Variants in PACS2 observed in about 807,000 individuals in gnomAD.
PACS2 encodes the protein phosphofurin acidic cluster sorting protein 2, also known as PACS1-like protein.
In PACS2, 36 loss-of-function variants were observed where a neutral mutation model predicts 113.0. That is an observed-to-expected ratio of 0.32 (90% CI 0.24 to 0.42). PACS2 has a LOEUF of 0.42. Among genes scored for constraint, PACS2 ranks in the 10% least tolerant of loss-of-function variants. The pLI is 1.00. For missense variants in PACS2, 1,015 were observed against 1,239.5 expected, an observed-to-expected ratio of 0.82 and a Z score of 2.72; for synonymous variants, 589 against 536.1, an observed-to-expected ratio of 1.10 and a Z score of -1.36.
chr14:105,305,932 G>A (rs1478576017), intron 1 of PACS2, among the ~76,000 whole-genome samples: 2 of 152,250 alleles, frequency 1.3e-5, no homozygotes, highest in Non-Finnish European at 2.9e-5. Context: ...CGCTGGAAAC[G>A]TGCAGTGATC....
rs782446428 is a variant in PACS2 at position 105,354,924 on chromosome 14, G to A, written c.298-128G>A. ...TGAACTTGGGGGCCCGTCTGTGGGT[G>A]CCCTTCCGATCTCATGGGCAGCAGG... On this transcript the variant is annotated intron_variant, in intron 3 of 24. Coordinates refer to ENST00000447393, the MANE Select transcript of PACS2 (RefSeq NM_001100913.3). This position sits in a 1 kb window ranked among gnomAD's most constrained non-coding sequence, Gnocchi z 4.2. 8.0e-5 allele frequency: 67 copies of A among 832,388 alleles called. No homozygotes were observed. The highest frequency in any genetic ancestry group is 1.2e-4 in the Non-Finnish European group (64 of 532,028). The allele number at this position is 832,388 out of a possible 1,614,324, so 51.6% of individuals were successfully genotyped here. A position where few individuals can be genotyped will look rare whatever the true frequency, so the allele number is the denominator to read the frequency against.
intron 13 of PACS2, 24 bp from the exon 14 acceptor site, chr14:105,382,453 G>A: frequency 7.2e-7 from 1 of 1,382,814 alleles, no homozygotes; most frequent in Non-Finnish European, 1.0e-6. Context: ...TCTTCTGGGT[G>A]TGGACAGGGC....
intron 1 of PACS2, among the ~76,000 whole-genome samples, chr14:105,302,180 G>A (rs1386944481): frequency 6.7e-6 from 1 of 149,536 alleles, no homozygotes; most frequent in East Asian, 2.0e-4. Context: ...AAATGCGGAA[G>A]ACCCCACCCT....
intron 19 of PACS2, among the ~76,000 whole-genome samples, 173 bp downstream of exon 19, chr14:105,385,890 C>G (rs782742566): frequency 2.0e-5 from 3 of 152,126 alleles, no homozygotes; most frequent in Non-Finnish European, 4.4e-5. Context: ...GGAAGTGGCC[C>G]CAACCCGAGT....
chr14:105,335,932 G>T (rs926436426), intron 1 of PACS2, among the ~76,000 whole-genome samples: 5 of 152,210 alleles, frequency 3.3e-5, no homozygotes, highest in Admixed American at 6.5e-5. Context: ...GTGCCCTGGG[G>T]CCCAGCTACG....
At chr14:105,316,738 G>T (rs1268218992) in intron 1 of PACS2, among the ~76,000 whole-genome samples, 1 of 151,800 alleles carries the variant, frequency 6.6e-6, no homozygotes, top group Non-Finnish European at 1.5e-5. Context: ...GCCTGGTTAG[G>T]ACAGGCGGGG....
chr14:105,391,334 C>A, intron 21 of PACS2, 85 bp downstream of exon 21: 2 of 1,067,678 alleles, frequency 1.9e-6, no homozygotes, highest in Non-Finnish European at 1.4e-6. Flanking sequence ...CAGACCAGAT[C>A]AACCTTTCAG....
At chr14:105,393,142 T>C in intron 23 of PACS2, 80 bp from the exon 24 acceptor site, 1 of 1,077,144 alleles carries the variant, frequency 9.3e-7, no homozygotes. Flanking sequence ...CCCCAGTGCC[T>C]CCCCCACACG....
rs150094396 is a variant in PACS2, at chr14:105,379,525, C to T, written c.960-214C>T. Among the ~76,000 whole-genome samples the T allele has an allele frequency of 3.8e-3, 573 of 152,290 alleles. 1 individual carries two copies. Among genetic ancestry groups the T allele is most frequent in the Non-Finnish European group, 5.4e-3 (364 of 68,030 alleles). On this transcript the variant is annotated intron_variant, in intron 9 of 24. Transcript: ENST00000447393. ...GGACGGGGCAGCCAGGTTGGCCCAG[C>T]GCTTAGTGTTGCCAGCTCCAGAATC...
intron 19 of PACS2, 56 bp from the exon 20 acceptor site, chr14:105,389,905 C>T (rs2081300410): frequency 6.6e-7 from 1 of 1,507,088 alleles, no homozygotes; most frequent in Non-Finnish European, 9.2e-7. Flanking sequence ...GAGCTGTGCC[C>T]ACCAGGCGGG....
At chr14:105,353,542 T>C (rs1317113151) in intron 3 of PACS2, among the ~76,000 whole-genome samples, 1 of 152,146 alleles carries the variant, frequency 6.6e-6, no homozygotes, top group African/African-American at 2.4e-5. Flanking sequence ...TATTCTTAAA[T>C]GATTAGAAGA....
In PACS2 at chr14:105,358,221, G is replaced by T. The variant is rs376006721; in HGVS notation, c.423+3044G>T. 6.6e-6 allele frequency among the ~76,000 whole-genome samples: 1 copy of T among 152,222 alleles called. No individual in the cohort carries two copies. The highest frequency in any genetic ancestry group is 2.1e-4 in the South Asian group (1 of 4,836). On this transcript the variant is annotated intron_variant, in intron 4 of 24. Transcript: ENST00000447393. This position sits in a 1 kb window ranked among gnomAD's most constrained non-coding sequence, Gnocchi z 4.9. ...CAAGGTGGCCCAGGGTAGGGGCCGG[G>T]CCTCATGGGTGCCAGGAGCTGGACG...
intron 1 of PACS2, among the ~76,000 whole-genome samples, chr14:105,334,659 T>C (rs1269215341): frequency 6.6e-6 from 1 of 151,994 alleles, no homozygotes; most frequent in Non-Finnish European, 1.5e-5. Flanking sequence ...GAGCTCCACC[T>C]GAGGGCCAGT....
chr14:105,384,720 CGA>C (rs1390562013), intron 17 of PACS2, among the ~76,000 whole-genome samples, 157 bp from the exon 18 acceptor site: 2 of 152,170 alleles, frequency 1.3e-5, no homozygotes, highest in African/African-American at 2.4e-5. Context: ...GGTACTGCCT[CGA>C]GAGTAGAGCA....
At chr14:105,301,819 T>A (rs962771365) in intron 1 of PACS2, among the ~76,000 whole-genome samples, 2 of 152,152 alleles carry the variant, frequency 1.3e-5, no homozygotes, top group African/African-American at 4.8e-5. Context: ...ATAGGGCCGG[T>A]GACATACCCA....
At chr14:105,385,659 T>C in intron 18 of PACS2, 26 bp from the exon 19 acceptor site, 1 of 1,510,754 alleles carries the variant, frequency 6.6e-7, no homozygotes, top group Non-Finnish European at 8.8e-7. Context: ...CGTGTCTGTT[T>C]TCTCTTTTGG....
chr14:105,390,892 C>G, intron 20 of PACS2: 1 of 426,808 alleles, frequency 2.3e-6, no homozygotes, highest in South Asian at 3.0e-5. Flanking sequence ...CCCGTCGGCC[C>G]GCCAAGGTCC....
At chr14:105,327,036 C>T (rs184607320) in intron 1 of PACS2, among the ~76,000 whole-genome samples, 3 of 152,336 alleles carry the variant, frequency 2.0e-5, no homozygotes, top group Admixed American at 2.0e-4. Flanking sequence ...CTGGCTATGG[C>T]TTCAGCTGGA....
At position 105,314,773 on chromosome 14, in the gene PACS2, G is replaced by C. The variant is rs900456808; in HGVS notation, c.-146G>C. On this transcript the variant is annotated 5_prime_UTR_variant, in exon 1 of 25. Coordinates refer to ENST00000447393, the MANE Select transcript of PACS2 (RefSeq NM_001100913.3). Reference sequence around the variant, plus strand: ...GCAGCTCGTCGCCGCCCGCGGGCCTGTCCGACGCCGGGGCCCGGCCCGTCC... The same window carrying C: ...GCAGCTCGTCGCCGCCCGCGGGCCTCTCCGACGCCGGGGCCCGGCCCGTCC... 323 of 178,994 alleles carry C rather than the reference G, an allele frequency of 1.8e-3. 2 individuals carry two copies. The highest frequency in any genetic ancestry group is 7.4e-3 in the African/African-American group (304 of 41,090). The allele number at this position is 178,994 out of a possible 1,614,324, so 11.1% of individuals were successfully genotyped here. A position where few individuals can be genotyped will look rare whatever the true frequency, so the allele number is the denominator to read the frequency against.
Sources: gnomAD v4.1 joint callset for allele counts (sites outside exome capture counted in the v4.1 genomes callset) on GRCh38, gnomAD v4.1.1 for gene constraint, Gnocchi (gnomAD v3.1) non-coding constraint, MANE v1.5 for transcripts, NCBI Gene and HGNC (gene_info 2026-07-23, HGNC 2026-07-21) for gene names.